LHFPL3: variants seen among roughly 807,000 people sequenced by gnomAD.
The protein encoded by LHFPL3 is LHFPL tetraspan subfamily member 3 protein.
Under a neutral mutation model 19.3 loss-of-function variants are expected in LHFPL3, and 5 were observed. The ratio of observed to expected loss-of-function variants is 0.26; its 90% CI spans 0.14 to 0.54. The LOEUF (loss-of-function observed/expected upper bound fraction) is 0.54, where lower values mean the gene tolerates loss of function less well. LHFPL3 is among the 20% of genes least tolerant of loss of function. The pLI is 0.94. For missense variants in LHFPL3, 249 were observed against 307.4 expected (o/e 0.81, Z 1.42); for synonymous variants, 133 against 126.2 (o/e 1.05, Z -0.36).
intron 2 of LHFPL3, among the ~76,000 whole-genome samples, chr7:104,887,601 G>A (rs1792172992): frequency 6.6e-6 from 1 of 152,184 alleles, no homozygotes; most frequent in African/African-American, 2.4e-5. Flanking sequence ...CTGCTGGTCA[G>A]AGAATGTCCT....
chr7:104,584,444 AACTT>A (rs200156707), intron 1 of LHFPL3, among the ~76,000 whole-genome samples: 6,693 of 152,210 alleles, frequency 0.044, 167 homozygotes, highest in African/African-American at 0.065. Context: ...TGTACCCTAA[AACTT>A]AAAGTATAAT....
chr7:104,496,116 T>C (rs370502672), intron 1 of LHFPL3, among the ~76,000 whole-genome samples: 162 of 152,224 alleles, frequency 1.1e-3, no homozygotes, highest in East Asian at 1.7e-3. Flanking sequence ...CTATCCCTCC[T>C]CCTTCCCCCC....
At chr7:104,450,623 G>C (rs1032417800) in intron 1 of LHFPL3, among the ~76,000 whole-genome samples, 1 of 152,064 alleles carries the variant, frequency 6.6e-6, no homozygotes, top group Admixed American at 6.6e-5. Flanking sequence ...ACCTAATGTA[G>C]ATGACGGGTT....
chr7:104,430,869 G>A (rs918350038), intron 1 of LHFPL3, among the ~76,000 whole-genome samples: 1 of 152,012 alleles, frequency 6.6e-6, no homozygotes, highest in Non-Finnish European at 1.5e-5. Context: ...CATAATGTGT[G>A]TGTTTTGTAT....
intron 2 of LHFPL3, chr7:104,785,647 G>A (rs905503478): frequency 1.3e-5 from 2 of 152,146 alleles, no homozygotes; most frequent in Non-Finnish European, 2.9e-5. Flanking sequence ...AAACCCTGTG[G>A]ATCTTAACCT....
chr7:104,352,526 A>G (rs1002350439), intron 1 of LHFPL3, among the ~76,000 whole-genome samples: 3 of 152,016 alleles, frequency 2.0e-5, no homozygotes, highest in Admixed American at 6.6e-5. Context: ...TCCAGCCCCA[A>G]CCCTGTGTCC....
intron 1 of LHFPL3, among the ~76,000 whole-genome samples, chr7:104,656,862 T>TGTC (rs1251844205): frequency 6.6e-6 from 1 of 152,242 alleles, no homozygotes; most frequent in Non-Finnish European, 1.5e-5. Flanking sequence ...CACATTCTAC[T>TGTC]GTCCTTTTAA....
intron 1 of LHFPL3, among the ~76,000 whole-genome samples, chr7:104,430,568 A>T (rs1477601405): frequency 1.4e-5 from 2 of 138,794 alleles, no homozygotes; most frequent in African/African-American, 5.3e-5. Context: ...TGCCAGGTTC[A>T]TGCCATTCTC....
chr7:104,904,324 C>G (rs1792553466), intron 2 of LHFPL3, among the ~76,000 whole-genome samples: 2 of 152,202 alleles, frequency 1.3e-5, no homozygotes, highest in Admixed American at 6.5e-5. Flanking sequence ...ATTCAGAAAC[C>G]ATATCTTATC....
At chr7:104,430,444 ATATATATATATTTTTTTTTTTTTTTT>A (rs1791972354) in intron 1 of LHFPL3, among the ~76,000 whole-genome samples, 1 of 17,074 alleles carries the variant, frequency 5.9e-5, no homozygotes, top group African/African-American at 3.6e-4. Flanking sequence ...ATATATATAT[ATATATATATATTTTTTTTTTTTTTTT>A]TTTTTTTTTT....
At chr7:104,760,667 G>T (rs1256412037) in intron 2 of LHFPL3, among the ~76,000 whole-genome samples, 1 of 152,168 alleles carries the variant, frequency 6.6e-6, no homozygotes, top group African/African-American at 2.4e-5. Flanking sequence ...AATTTAGAAA[G>T]ATCCTGAGTC....
At chr7:104,505,050 CAT>C (rs893917846) in intron 1 of LHFPL3, among the ~76,000 whole-genome samples, 83 of 152,260 alleles carry the variant, frequency 5.5e-4, no homozygotes, top group Admixed American at 4.3e-3. Context: ...TATGTATACA[CAT>C]ATGTGTATAT....
chr7:104,598,648 C>T (rs573353546), intron 1 of LHFPL3, among the ~76,000 whole-genome samples: 27 of 152,272 alleles, frequency 1.8e-4, no homozygotes, highest in South Asian at 8.3e-4. Context: ...AAAGCTTTAG[C>T]AGAAAAACAC....
chr7:104,626,648 G>T (rs1791550986), intron 1 of LHFPL3, among the ~76,000 whole-genome samples: 1 of 152,152 alleles, frequency 6.6e-6, no homozygotes, highest in Non-Finnish European at 1.5e-5. Context: ...TGCTGCTTTT[G>T]TAACCAAATT....
intron 2 of LHFPL3, among the ~76,000 whole-genome samples, chr7:104,879,461 T>A (rs1792006796): frequency 1.3e-5 from 2 of 152,118 alleles, no homozygotes; most frequent in Non-Finnish European, 2.9e-5. Context: ...ATCTCATGAC[T>A]GTAATCCCAG....
intron 1 of LHFPL3, among the ~76,000 whole-genome samples, chr7:104,459,286 T>C (rs1459100178): frequency 2.0e-5 from 3 of 152,250 alleles, no homozygotes; most frequent in Non-Finnish European, 4.4e-5. Context: ...CATTTAAGTA[T>C]CATTCATTAC....
chr7:104,793,989 G>C (rs1310296595), intron 2 of LHFPL3, among the ~76,000 whole-genome samples: 1 of 152,184 alleles, frequency 6.6e-6, no homozygotes, highest in Non-Finnish European at 1.5e-5. Flanking sequence ...TGGGAAGGGA[G>C]CATAAAGGAA....
chr7:104,580,234 A>G (rs1790431347), intron 1 of LHFPL3, among the ~76,000 whole-genome samples: 1 of 152,174 alleles, frequency 6.6e-6, no homozygotes, highest in Admixed American at 6.6e-5. Context: ...ACACTGATGT[A>G]TGTAATTACT....
chr7:104,360,694 CGTGTGTGTGTGTGTGTGTGTGT>C (rs61216282), intron 1 of LHFPL3, among the ~76,000 whole-genome samples: 3 of 144,350 alleles, frequency 2.1e-5, no homozygotes, highest in Non-Finnish European at 4.5e-5. Flanking sequence ...AAAGTGCTTC[CGTGTGTGTGTGTGTGTGTGTGT>C]GTGTGTGTGT....
Sources: gnomAD v4.1 joint callset for allele counts (sites outside exome capture counted in the v4.1 genomes callset) on GRCh38, gnomAD v4.1.1 for gene constraint, MANE v1.5 for transcripts, NCBI Gene and HGNC (gene_info 2026-07-23, HGNC 2026-07-21) for gene names.